Variants in ADCY5 observed in about 807,000 individuals in gnomAD.
ADCY5 encodes the protein adenylate cyclase type 5.
Under a neutral mutation model 119.7 loss-of-function variants are expected in ADCY5, and 30 were observed. The ratio of observed to expected loss-of-function variants is 0.25; its 90% confidence interval spans 0.19 to 0.34. ADCY5 has a LOEUF of 0.34. Among genes scored for constraint, ADCY5 ranks in the 10% least tolerant of loss-of-function variants. ADCY5 has a pLI of 1.00. For missense variants in ADCY5, 1,324 were observed against 1,775.2 expected (o/e 0.75, Z 4.57); for synonymous variants, 753 against 762.2 (o/e 0.99, Z 0.20).
chr3:123,345,769 G>GACAGACAGACACACAGAC (rs57198270), intron 3 of ADCY5, among the ~76,000 whole-genome samples: 1 of 113,762 alleles, frequency 8.8e-6, no homozygotes. Context: ...CAGACAGACA[G>GACAGACAGACACACAGAC]ACACACACAC....
chr3:123,347,740 C>T, intron 3 of ADCY5, 42 bp downstream of exon 3: 1 of 1,611,682 alleles, frequency 6.2e-7, no homozygotes, highest in Non-Finnish European at 8.5e-7. Context: ...AGGGGTCCAG[C>T]TCTCCCTCCC....
At chr3:123,377,948 A>AC (rs1553740607) in intron 1 of ADCY5, among the ~76,000 whole-genome samples, 15 of 150,828 alleles carry the variant, frequency 9.9e-5, no homozygotes, top group Non-Finnish European at 1.9e-4. Context: ...AAAAAAAAAA[A>AC]CTCAAAAAAT....
rs780069590 is a variant in ADCY5, at chr3:123,352,404, A to G, written c.1284+28T>C. Reference sequence around the variant, plus strand: ...ACATCTCAGGGCTCGACTCCGTCCCACTGTGCAAGGGCAGGGGCCTCACTC... The same window carrying G: ...ACATCTCAGGGCTCGACTCCGTCCCGCTGTGCAAGGGCAGGGGCCTCACTC... On this transcript the variant is annotated intron_variant, in intron 2 of 20. Transcript: ENST00000462833. The surrounding 1 kb of genome is among the most constrained non-coding windows in gnomAD (Gnocchi z 4.8). 6.3e-7 allele frequency: 1 copy of G among 1,598,372 alleles called. No individual in the cohort carries two copies. The highest frequency in any genetic ancestry group is 8.5e-7 in the Non-Finnish European group (1 of 1,172,832).
chr3:123,447,748 G>C lies in ADCY5; in HGVS notation c.798C>G (p.Leu266=). The C allele has an allele frequency of 6.2e-7, 1 of 1,603,452 alleles. No individual in the cohort carries two copies. The highest frequency in any genetic ancestry group is 8.5e-7 in the Non-Finnish European group (1 of 1,173,404). ...MLAFHAARPP[L]QLPYLAVLAA... ...CCAGCACGGCCAGGTAGGGCAGCTG[G>C]AGCGGGGGCCGCGCCGCGTGGAAGG... is the stretch of plus-strand genomic sequence containing the variant. Residue 266 remains leucine, a synonymous_variant, in exon 1 of 21, where the codon CTC becomes CTG. Transcript: ENST00000462833.
At chr3:123,416,856 C>T (rs1249698822) in intron 1 of ADCY5, among the ~76,000 whole-genome samples, 1 of 152,066 alleles carries the variant, frequency 6.6e-6, no homozygotes, top group Admixed American at 6.5e-5. Context: ...GCTTAAATGA[C>T]GTCATAAGAT....
intron 12 of ADCY5, among the ~76,000 whole-genome samples, chr3:123,312,020 G>A (rs764034602): frequency 2.3e-4 from 35 of 152,106 alleles, no homozygotes; most frequent in Non-Finnish European, 4.3e-4. Context: ...TGAACTGTGG[G>A]AAAAAAACTC....
intron 1 of ADCY5, among the ~76,000 whole-genome samples, chr3:123,399,980 C>A (rs1944709660): frequency 6.6e-6 from 1 of 152,184 alleles, no homozygotes; most frequent in African/African-American, 2.4e-5. Flanking sequence ...AACCCCTGGA[C>A]CCCTGGCCAC....
chr3:123,448,385 G>C lies in ADCY5; in HGVS notation c.161C>G (p.Thr54Ser). 1 of 1,464,000 alleles carries C rather than the reference G, an allele frequency of 6.8e-7. No homozygotes were observed. The highest frequency in any genetic ancestry group is 9.0e-7 in the Non-Finnish European group (1 of 1,116,718). 90.7% of individuals were successfully genotyped at this position (1,464,000 alleles called of 1,614,324 possible). The change falls in exon 1 of 21, where the codon ACC becomes AGC. Residue 54 changes from threonine (T) to serine (S), a missense_variant. By Grantham distance (58) the Thr-to-Ser change is moderately conservative. Coordinates refer to ENST00000462833, the MANE Select transcript of ADCY5 (RefSeq NM_183357.3). ...HAPGGSARGS[T>S]KKPGGAVTPQ... is the part of the protein sequence containing the mutation. Reference sequence around the variant, plus strand: ...GGTCACCGCCCCCCCGGGTTTCTTGGTGGAGCCGCGGGCAGAGCCCCCGGG... The same window carrying C: ...GGTCACCGCCCCCCCGGGTTTCTTGCTGGAGCCGCGGGCAGAGCCCCCGGG...
Position 123,332,659 on chromosome 3 carries a change from T to G in ADCY5, c.1423A>C (p.Ile475Leu), listed in dbSNP as rs1431288522. ...HDNVSILFAD[I>L]EGFTSLASQC... ...GACGCCAGGCTGGTGAAGCCCTCGA[T>G]GTCAGCAAACAGGATGCTGGGGGAC... Residue 475 changes from isoleucine to leucine, a missense_variant, in exon 4 of 21, where the codon ATC becomes CTC. Physicochemically the swap from Ile to Leu is conservative, Grantham distance 5. This residue lies in a region of ADCY5 where 123 missense variants were observed against 287.9 expected (regional missense o/e 0.43). Transcript: ENST00000462833. 1 of 1,612,678 alleles carries G rather than the reference T, an allele frequency of 6.2e-7. No homozygotes were observed.
chr3:123,446,436 G>T (rs148111387), intron 1 of ADCY5, among the ~76,000 whole-genome samples: 165 of 152,308 alleles, frequency 1.1e-3, no homozygotes, highest in African/African-American at 3.8e-3. Flanking sequence ...TCTCACAGTG[G>T]AGCAGCATGC....
In ADCY5 at chr3:123,403,137, C is replaced by T. The variant is rs370536552; in HGVS notation, c.1134+44275G>A. 4.6e-5 allele frequency among the ~76,000 whole-genome samples: 7 copies of T among 152,138 alleles called. No individual in the cohort carries two copies. The East Asian group carries it at 5.8e-4, about 13-fold the overall frequency. ...GCTCACGCCTGTACTCCCAGCATTT[C>T]GGGGGGCCGCGGCAGGCAGATCCCT... On this transcript the variant is annotated intron_variant, in intron 1 of 20. Coordinates refer to ENST00000462833, the MANE Select transcript of ADCY5 (RefSeq NM_183357.3).
intron 1 of ADCY5, among the ~76,000 whole-genome samples, chr3:123,389,970 G>T (rs1480740831): frequency 6.6e-6 from 1 of 152,190 alleles, no homozygotes; most frequent in Non-Finnish European, 1.5e-5. Flanking sequence ...GAGGTACAAT[G>T]AGGGCAAAGC....
At chr3:123,374,916 A>G (rs1273410780) in intron 1 of ADCY5, among the ~76,000 whole-genome samples, 1 of 152,244 alleles carries the variant, frequency 6.6e-6, no homozygotes, top group Non-Finnish European at 1.5e-5. Flanking sequence ...TATGGGGCAC[A>G]TGATGAGCTC....
At chr3:123,366,585 T>G (rs1420916510) in intron 1 of ADCY5, among the ~76,000 whole-genome samples, 1 of 151,948 alleles carries the variant, frequency 6.6e-6, no homozygotes, top group African/African-American at 2.4e-5. Context: ...TCTAGGACAG[T>G]CTAGAGAAGG....
chr3:123,347,156 A>G (rs1165666252), intron 3 of ADCY5, among the ~76,000 whole-genome samples: 1 of 151,332 alleles, frequency 6.6e-6, no homozygotes, highest in African/African-American at 2.4e-5. Flanking sequence ...AAGAGTACAC[A>G]ATGTAGACTG....
intron 1 of ADCY5, among the ~76,000 whole-genome samples, chr3:123,422,677 C>G (rs958521756): frequency 6.6e-6 from 1 of 152,196 alleles, no homozygotes; most frequent in African/African-American, 2.4e-5. Flanking sequence ...TCAACCCCAG[C>G]CAGAATGCCC....
chr3:123,391,683 G>T (rs1310098419), intron 1 of ADCY5, among the ~76,000 whole-genome samples: 3 of 152,180 alleles, frequency 2.0e-5, no homozygotes, highest in African/African-American at 7.2e-5. Context: ...AGCTTTTCCA[G>T]GGCCTGGGGT....
chr3:123,316,913 A>C (rs1274228954), intron 11 of ADCY5, among the ~76,000 whole-genome samples: 2 of 152,234 alleles, frequency 1.3e-5, no homozygotes, highest in African/African-American at 4.8e-5. Flanking sequence ...AAACACTGCA[A>C]AATATTAACA....
In ADCY5 at chr3:123,325,280, C is replaced by T. The variant is rs201102208; in HGVS notation, c.2088+42G>A. 7.2e-5 allele frequency: 116 copies of T among 1,611,288 alleles called. No individual in the cohort carries two copies. The East Asian group carries it at 2.3e-3, about 32-fold the overall frequency. ...CCTCATGCCCACAGAAGGCCCTAGCCTTGGAGAGTGTTGCCCACAGGCTGC... is the reference window on the plus strand; with the variant it reads ...CCTCATGCCCACAGAAGGCCCTAGCTTTGGAGAGTGTTGCCCACAGGCTGC... On this transcript the variant is annotated intron_variant, in intron 8 of 20. Coordinates refer to ENST00000462833, the MANE Select transcript of ADCY5 (RefSeq NM_183357.3).
Sources: gnomAD v4.1 joint callset for allele counts (sites outside exome capture counted in the v4.1 genomes callset) on GRCh38, gnomAD v4.1.1 for gene constraint, gnomAD v4.1.1 regional missense constraint, Gnocchi (gnomAD v3.1) non-coding constraint, MANE v1.5 for transcripts, NCBI Gene and HGNC (gene_info 2026-07-23, HGNC 2026-07-21) for gene names.